The following NCAM1 variants were observed in gnomAD, a reference collection of about 807,000 sequenced individuals.
NCAM1 encodes neural cell adhesion molecule 1.
NCAM1 carries 14 observed loss-of-function variants against 109.8 expected under a neutral mutation model. The ratio of observed to expected loss-of-function variants is 0.13; its 90% confidence interval spans 0.08 to 0.20. NCAM1 has a LOEUF of 0.20. Ranked by LOEUF, NCAM1 falls within the 10% of genes least tolerant of loss-of-function variation. The probability of loss-of-function intolerance (pLI) is 1.00; values close to 1 mark genes in which losing one functional copy is unlikely to be tolerated. For missense variants in NCAM1, 774 were observed against 1,109.9 expected, an observed-to-expected ratio of 0.70 and a Z score of 4.30; for synonymous variants, 418 against 442.9, an observed-to-expected ratio of 0.94 and a Z score of 0.70.
At chr11:113,158,021 A>T (rs1235626715) in intron 1 of NCAM1, among the ~76,000 whole-genome samples, 1 of 152,146 alleles carries the variant, frequency 6.6e-6, no homozygotes, top group Non-Finnish European at 1.5e-5. Flanking sequence ...GCAATGTGGA[A>T]TCTGAAATCA....
intron 1 of NCAM1, among the ~76,000 whole-genome samples, chr11:113,119,864 C>A (rs1164635632): frequency 1.3e-5 from 2 of 152,176 alleles, no homozygotes; most frequent in African/African-American, 2.4e-5. Context: ...CTACACACAA[C>A]CCAGCACCCT....
At chr11:113,153,044 TA>T (rs1488460079) in intron 1 of NCAM1, among the ~76,000 whole-genome samples, 14 of 122,592 alleles carry the variant, frequency 1.1e-4, no homozygotes, top group Middle Eastern at 4.7e-3. Flanking sequence ...GCAATGTCTA[TA>T]ATTTTTTTTT....
At chr11:113,271,424 A>G (rs1555125323) in intron 18 of NCAM1, among the ~76,000 whole-genome samples, 2 of 151,158 alleles carry the variant, frequency 1.3e-5, no homozygotes, top group Non-Finnish European at 2.9e-5. Context: ...AAATGTATGT[A>G]TACCTGTGTA....
At chr11:113,252,145 G>A (rs56149720) in intron 15 of NCAM1, among the ~76,000 whole-genome samples, 2,572 of 152,222 alleles carry the variant, frequency 0.017, 56 homozygotes, top group African/African-American at 0.058. Flanking sequence ...TGGGTGCAGG[G>A]GCTCACACCT....
intron 1 of NCAM1, among the ~76,000 whole-genome samples, chr11:113,058,117 T>C (rs1336040100): frequency 2.0e-5 from 3 of 152,082 alleles, no homozygotes; most frequent in Non-Finnish European, 4.4e-5. Context: ...ACCCCATCTC[T>C]ACTAAAAATA....
intron 1 of NCAM1, among the ~76,000 whole-genome samples, chr11:113,101,173 A>G (rs757175784): frequency 1.5e-4 from 23 of 151,980 alleles, no homozygotes; most frequent in Non-Finnish European, 2.6e-4. Flanking sequence ...CCTCATTGTG[A>G]TTGCTGTCAC....
chr11:113,023,313 G>A (rs1288426141), intron 1 of NCAM1, among the ~76,000 whole-genome samples: 1 of 152,196 alleles, frequency 6.6e-6, no homozygotes, highest in Admixed American at 6.5e-5. Flanking sequence ...TAGTCTGACA[G>A]TCTTATGCAA....
chr11:113,267,738 C>A (rs921174409), intron 17 of NCAM1, among the ~76,000 whole-genome samples: 2 of 152,154 alleles, frequency 1.3e-5, no homozygotes, highest in South Asian at 2.1e-4. Flanking sequence ...AGTTCAGAAG[C>A]CTTTTCCCTG....
At position 113,109,579 on chromosome 11, in the gene NCAM1, G is replaced by A. The variant is rs569939787; in HGVS notation, c.53-92800G>A. Among the ~76,000 whole-genome samples, 3 of 152,250 alleles carry A rather than the reference G, an allele frequency of 2.0e-5. No homozygotes were observed. In the South Asian group the frequency reaches 6.2e-4, roughly 32 times the overall value. ...AAGTGCTATCTAAGCTAGGCACTGG[G>A]GACAGGGAGATTACACATAAGAATT... On this transcript the variant is annotated intron_variant, in intron 1 of 19. Transcript: ENST00000316851.
At chr11:113,141,775 C>A (rs1048466395) in intron 1 of NCAM1, among the ~76,000 whole-genome samples, 1 of 152,156 alleles carries the variant, frequency 6.6e-6, no homozygotes, top group Non-Finnish European at 1.5e-5. Flanking sequence ...GTGCTATACT[C>A]ACCCTGCTTT....
At chr11:113,146,658 A>G (rs1555101381) in intron 1 of NCAM1, among the ~76,000 whole-genome samples, 2 of 152,206 alleles carry the variant, frequency 1.3e-5, no homozygotes, top group East Asian at 3.8e-4. Flanking sequence ...CTTCTAGTGA[A>G]TGATTGTGAG....
intron 1 of NCAM1, among the ~76,000 whole-genome samples, chr11:113,078,813 T>G (rs893911124): frequency 6.6e-6 from 1 of 152,194 alleles, no homozygotes; most frequent in Non-Finnish European, 1.5e-5. Context: ...TCCAATCTTC[T>G]AGGCTGTCCA....
At chr11:113,227,905 A>C (rs1454336150) in intron 9 of NCAM1, among the ~76,000 whole-genome samples, 1 of 152,228 alleles carries the variant, frequency 6.6e-6, no homozygotes, top group East Asian at 1.9e-4. Flanking sequence ...AAAAACTCTC[A>C]ATAAATTGGT....
At chr11:113,139,307 T>C (rs982963487) in intron 1 of NCAM1, among the ~76,000 whole-genome samples, 1 of 152,266 alleles carries the variant, frequency 6.6e-6, no homozygotes. Context: ...CACAAAATAT[T>C]ACATTCAGTG....
intron 17 of NCAM1, chr11:113,263,206 T>A: frequency 1.8e-6 from 2 of 1,103,064 alleles, no homozygotes. Flanking sequence ...AAAACCATCA[T>A]GCTAGATTTA....
At chr11:113,263,413 A>G (rs1291234428) in intron 17 of NCAM1, 3 of 988,956 alleles carry the variant, frequency 3.0e-6, no homozygotes, top group African/African-American at 3.5e-5. Flanking sequence ...TTAAGCATTT[A>G]AGTGCCCATG....
Position 113,277,500 on chromosome 11 carries a change from T to C in NCAM1, c.*2113T>C, listed in dbSNP as rs782814447. 7.8e-5 allele frequency: 31 copies of C among 398,668 alleles called. No homozygotes were observed. Among genetic ancestry groups the C allele is most frequent in the Non-Finnish European group, 1.2e-4 (27 of 226,034 alleles). The allele number at this position is 398,668 out of a possible 1,614,324, so 24.7% of individuals were successfully genotyped here. A position where few individuals can be genotyped will look rare whatever the true frequency, so the allele number is the denominator to read the frequency against. On this transcript the variant is annotated 3_prime_UTR_variant, in exon 20 of 20. Transcript: ENST00000316851. ...GAGCACACAGTAGAATGTGAGAGCC[T>C]GGGTGTCTGAGACCGGGAGGGCCCA...
intron 1 of NCAM1, among the ~76,000 whole-genome samples, chr11:113,145,132 A>T (rs1335417900): frequency 6.6e-6 from 1 of 152,240 alleles, no homozygotes; most frequent in Non-Finnish European, 1.5e-5. Context: ...GAAAAGATTG[A>T]CACTCATTCA....
chr11:113,134,477 AATGG>A (rs1430581860), intron 1 of NCAM1, among the ~76,000 whole-genome samples: 1 of 152,182 alleles, frequency 6.6e-6, no homozygotes, highest in Non-Finnish European at 1.5e-5. Flanking sequence ...TGATTGGATG[AATGG>A]ATGGATGTGT....
Sources: allele counts gnomAD v4.1 joint callset (sites outside exome capture counted in the v4.1 genomes callset), GRCh38; gene constraint gnomAD v4.1.1; transcripts MANE v1.5; gene names NCBI Gene and HGNC (gene_info 2026-07-23, HGNC 2026-07-21).